Variants in MYO7B observed in about 807,000 individuals in gnomAD.
The protein encoded by MYO7B is unconventional myosin-VIIb.
In MYO7B, 212 loss-of-function variants were observed where a neutral mutation model predicts 259.7. The ratio of observed to expected loss-of-function variants is 0.82; its 90% CI spans 0.73 to 0.91. The LOEUF is 0.91. Among genes scored for constraint, MYO7B ranks in the 40% least tolerant of loss-of-function variants. The probability of loss-of-function intolerance (pLI) is 0.00; values close to 1 mark genes in which losing one functional copy is unlikely to be tolerated. For missense variants in MYO7B, 2,732 were observed against 2,813.5 expected (o/e 0.97, Z 0.66); for synonymous variants, 1,197 against 1,166.4 (o/e 1.03, Z -0.54).
rs370384254 is a variant in MYO7B at position 127,574,067 on chromosome 2, G to T, written c.735+5G>T. ...AAGTCCCGGGTCTGCCGGCAGGTGAGGCCTCCCCCTTCCCAGGTCGGGAGT... is the reference window on the plus strand; with the variant it reads ...AAGTCCCGGGTCTGCCGGCAGGTGATGCCTCCCCCTTCCCAGGTCGGGAGT... On this transcript the variant is annotated splice_donor_5th_base_variant and intron_variant, in intron 7 of 47. Transcript: ENST00000409816. The T allele has an allele frequency of 6.2e-7, 1 of 1,613,874 alleles. No individual in the cohort carries two copies. Among genetic ancestry groups the T allele is most frequent in the Non-Finnish European group, 8.5e-7 (1 of 1,179,846 alleles).
rs142974221 is a variant in MYO7B at position 127,538,053 on chromosome 2, G to A, written c.-24+2222G>A. Among the ~76,000 whole-genome samples the A allele has an allele frequency of 2.8e-4, 42 of 152,254 alleles. No homozygotes were observed. In the East Asian group the frequency reaches 4.8e-3, roughly 17 times the overall value. ...ATGTACACCAGAGGCACAGACCTCCGGCATTGAGTGGTCAGAGGAGGCGGT... is the reference window on the plus strand; with the variant it reads ...ATGTACACCAGAGGCACAGACCTCCAGCATTGAGTGGTCAGAGGAGGCGGT... On this transcript the variant is annotated intron_variant, in intron 1 of 47. Coordinates refer to ENST00000409816, the MANE Select transcript of MYO7B (RefSeq NM_001393586.1).
rs945260674 is a variant in MYO7B, at chr2:127,615,336, A to G, written c.3398+2733A>G. ...GTTACTACTGTCACTACTTGAGACC[A>G]TCGTTATGAGACAGAACAAAGGGGG... On this transcript the variant is annotated intron_variant, in intron 26 of 47. Coordinates refer to ENST00000409816, the MANE Select transcript of MYO7B (RefSeq NM_001393586.1). The surrounding 1 kb of genome is among the most constrained non-coding windows in gnomAD (Gnocchi z 4.4). 1.3e-5 allele frequency among the ~76,000 whole-genome samples: 2 copies of G among 152,166 alleles called. No homozygotes were observed. Among genetic ancestry groups the G allele is most frequent in the African/African-American group, 4.8e-5 (2 of 41,460 alleles).
chr2:127,551,663 G>A (rs1693448365), intron 1 of MYO7B, among the ~76,000 whole-genome samples: 3 of 152,206 alleles, frequency 2.0e-5, no homozygotes, highest in South Asian at 2.1e-4. Context: ...AAGCAGAGGC[G>A]GGAGAAGGCA....
chr2:127,536,031 G>A (rs945798145), intron 1 of MYO7B, among the ~76,000 whole-genome samples, 200 bp downstream of exon 1: 9 of 152,168 alleles, frequency 5.9e-5, no homozygotes, highest in Non-Finnish European at 5.9e-5. Flanking sequence ...GGCAGCACCT[G>A]GGGGGCTGAG....
At chr2:127,620,107 AG>A in intron 26 of MYO7B, 1 of 371,616 alleles carries the variant, frequency 2.7e-6, no homozygotes, top group Non-Finnish European at 4.8e-6. Context: ...CCTGAAGCCG[AG>A]CCCCACCCTA....
At position 127,565,246 on chromosome 2, in the gene MYO7B, G is replaced by T. The variant is rs200299859; in HGVS notation, c.146G>T (p.Arg49Leu). ...CCATTGTTCCAGGAACACTGGATCC[G>T]AGCAGAGGACTTTGGTGTCCTCAGT... Reference protein sequence around the residue: ...EDDEGKEHWIRAEDFGVLSPM... With the variant: ...EDDEGKEHWILAEDFGVLSPM... Residue 49 changes from arginine to leucine, a missense_variant, in exon 4 of 48, where the codon CGA becomes CTA. Arg to Leu is a moderately radical substitution (Grantham distance 102). This residue lies in a region of MYO7B where 1,906 missense variants were observed against 2,026.4 expected (regional missense o/e 0.94). Transcript: ENST00000409816. The T allele has an allele frequency of 2.5e-6, 4 of 1,613,638 alleles. No individual in the cohort carries two copies. The African/African-American group carries it at 5.3e-5, about 22-fold the overall frequency.
chr2:127,543,811 C>A (rs1047433893), intron 1 of MYO7B, among the ~76,000 whole-genome samples: 1 of 151,806 alleles, frequency 6.6e-6, no homozygotes, highest in Non-Finnish European at 1.5e-5. Context: ...GTGGCGCGAT[C>A]TTGCCTCACC....
intron 2 of MYO7B, among the ~76,000 whole-genome samples, chr2:127,560,623 A>G (rs1334884989): frequency 1.3e-5 from 2 of 152,136 alleles, no homozygotes. Flanking sequence ...CGGGGAGTGC[A>G]GGGTGGAGAG....
At position 127,581,891 on chromosome 2, in the gene MYO7B, G is replaced by A; in HGVS notation, c.1081G>A (p.Val361Met). 2 of 1,613,662 alleles carry A rather than the reference G, an allele frequency of 1.2e-6. No homozygotes were observed. The highest frequency in any genetic ancestry group is 1.7e-6 in the Non-Finnish European group (2 of 1,179,848). ...ACGCAGCCCCCACCTGCCTCCCCAG[G>A]TGCAGCACCAGGAGCTCCGGGACTG... ...AFPTVMKLLE[V>M]QHQELRDCLI... Residue 361 changes from valine to methionine, a missense_variant and splice_region_variant, in exon 11 of 48, where the codon GTG becomes ATG. Physicochemically the swap from Val to Met is conservative, Grantham distance 21. This residue lies in a region of MYO7B where 1,906 missense variants were observed against 2,026.4 expected (regional missense o/e 0.94). Coordinates refer to ENST00000409816, the MANE Select transcript of MYO7B (RefSeq NM_001393586.1).
At chr2:127,593,106 A>ACCCTCT (rs1399331142) in intron 17 of MYO7B, among the ~76,000 whole-genome samples, 160 bp downstream of exon 17, 1 of 150,076 alleles carries the variant, frequency 6.7e-6, no homozygotes, top group African/African-American at 2.5e-5. Context: ...CTCCCACCCT[A>ACCCTCT]CCCTCTCCCT....
intron 6 of MYO7B, among the ~76,000 whole-genome samples, chr2:127,572,791 T>C (rs542201241): frequency 6.6e-6 from 1 of 152,356 alleles, no homozygotes; most frequent in Non-Finnish European, 1.5e-5. Flanking sequence ...TCACCAGTGC[T>C]ACACTGTCTT....
chr2:127,590,347 T>C lies in MYO7B; in HGVS notation c.1992+118T>C. On this transcript the variant is annotated intron_variant, in intron 16 of 47. Coordinates refer to ENST00000409816, the MANE Select transcript of MYO7B (RefSeq NM_001393586.1). This position sits in a 1 kb window ranked among gnomAD's most constrained non-coding sequence, Gnocchi z 4.6. Reference sequence around the variant, plus strand: ...CTAGCGTTAGAGCTGTTACTGCCCCTACCTTACAGATAAGTACACTGGGGT... The same window carrying C: ...CTAGCGTTAGAGCTGTTACTGCCCCCACCTTACAGATAAGTACACTGGGGT... 1.4e-6 allele frequency: 2 copies of C among 1,394,726 alleles called. No individual in the cohort carries two copies. The highest frequency in any genetic ancestry group is 1.3e-5 in the South Asian group (1 of 76,300). The allele number at this position is 1,394,726 out of a possible 1,614,324, so 86.4% of individuals were successfully genotyped here.
intron 30 of MYO7B, 110 bp downstream of exon 30, chr2:127,624,430 A>C: frequency 1.7e-4 from 157 of 902,140 alleles, no homozygotes; most frequent in Non-Finnish European, 2.3e-4. Flanking sequence ...GGGGGCAGGA[A>C]AGGGGGTCAC....
intron 6 of MYO7B, among the ~76,000 whole-genome samples, chr2:127,572,368 G>A (rs534557331): frequency 6.1e-4 from 88 of 144,494 alleles, no homozygotes; most frequent in African/African-American, 2.2e-3. Context: ...GCAGAGAGCC[G>A]AGATCACACC....
intron 38 of MYO7B, 26 bp from the exon 39 acceptor site, chr2:127,632,219 TC>T (rs753341661): frequency 6.2e-7 from 1 of 1,605,426 alleles, no homozygotes; most frequent in South Asian, 1.1e-5. Flanking sequence ...GAGGGGCCTT[TC>T]CCGGCTGACA....
chr2:127,629,577 C>A, intron 34 of MYO7B, 68 bp from the exon 35 acceptor site: 1 of 1,476,994 alleles, frequency 6.8e-7, no homozygotes, highest in Non-Finnish European at 9.2e-7. Flanking sequence ...AGGAGATGAC[C>A]CACAAAATTC....
intron 24 of MYO7B, 37 bp downstream of exon 24, chr2:127,610,053 A>ACCTACCAGGTG: frequency 6.3e-7 from 1 of 1,597,204 alleles, no homozygotes; most frequent in Non-Finnish European, 8.5e-7. Context: ...GGAGGGCGAC[A>ACCTACCAGGTG]CCTACCAGGT....
In MYO7B at chr2:127,634,220, C is replaced by T; in HGVS notation, c.5556C>T (p.Asp1852=). The change falls in exon 41 of 48, where the codon GAC becomes GAT. Residue 1852 remains aspartate, a synonymous_variant. Transcript: ENST00000409816. ...VANTRVRDVC[D]SIATRLQLAS... ...ACACACGGGTGCGGGATGTGTGTGA[C>T]AGCATTGCCACCAGGCTGCAGCTGG... is the stretch of plus-strand genomic sequence containing the variant. 1 of 1,600,356 alleles carries T rather than the reference C, an allele frequency of 6.2e-7. No homozygotes were observed. The highest frequency in any genetic ancestry group is 1.1e-5 in the South Asian group (1 of 88,444).
At chr2:127,605,566 C>T (rs1438096095) in intron 19 of MYO7B, among the ~76,000 whole-genome samples, 3 of 152,188 alleles carry the variant, frequency 2.0e-5, no homozygotes, top group Non-Finnish European at 4.4e-5. Context: ...CATTGCACTC[C>T]AGCCTGAGCA....
Sources: gnomAD v4.1 joint callset for allele counts (sites outside exome capture counted in the v4.1 genomes callset) on GRCh38, gnomAD v4.1.1 for gene constraint, gnomAD v4.1.1 regional missense constraint, Gnocchi (gnomAD v3.1) non-coding constraint, MANE v1.5 for transcripts, NCBI Gene and HGNC (gene_info 2026-07-23, HGNC 2026-07-21) for gene names.